The following KCNJ2 variants were observed in gnomAD, a reference collection of about 807,000 sequenced individuals.
The protein encoded by KCNJ2 is inward rectifier potassium channel 2.
KCNJ2 carries 12 observed loss-of-function variants against 28.4 expected under a neutral mutation model. The ratio of observed to expected loss-of-function variants is 0.42; its 90% CI spans 0.27 to 0.68. KCNJ2 has a LOEUF of 0.68. Ranked by LOEUF, KCNJ2 falls within the 30% of genes least tolerant of loss-of-function variation. The pLI is 0.23. For synonymous variants in KCNJ2, 200 were observed against 203.2 expected, an observed-to-expected ratio of 0.98 and a Z score of 0.13; for missense variants, 320 against 551.3, an observed-to-expected ratio of 0.58 and a Z score of 4.20.
At position 70,175,213 on chromosome 17, in the gene KCNJ2, C is replaced by T. The variant is rs587781006; in HGVS notation, c.174C>T (p.Phe58=). The T allele has an allele frequency of 2.4e-5, 39 of 1,614,208 alleles. No homozygotes were observed. The Admixed American group carries it at 6.5e-4, about 27-fold the overall frequency. ...VKKDGHCNVQ[F]INVGEKGQRY... ...AAGATGGCCACTGTAATGTTCAGTT[C>T]ATCAATGTGGGTGAGAAGGGGCAAC... The change falls in exon 2 of 2, where the codon TTC becomes TTT. Residue 58 remains phenylalanine (F), a synonymous_variant. Coordinates refer to ENST00000243457, the MANE Select transcript of KCNJ2 (RefSeq NM_000891.3). The surrounding 1 kb of genome is among the most constrained non-coding windows in gnomAD (Gnocchi z 8.3).
At position 70,175,962 on chromosome 17, in the gene KCNJ2, C is replaced by T. The variant is rs748053853; in HGVS notation, c.923C>T (p.Thr308Met). The part of the protein sequence containing the change: ...LEGMVEATAM[T>M]TQCRSSYLAN... ...GGCATGGTGGAAGCCACTGCCATGA[C>T]GACACAGTGCCGTAGCTCTTATCTA... The change falls in exon 2 of 2, where the codon ACG becomes ATG. Residue 308 changes from threonine (T) to methionine (M), a missense_variant. Thr to Met is a moderately conservative substitution (Grantham distance 81). Coordinates refer to ENST00000243457, the MANE Select transcript of KCNJ2 (RefSeq NM_000891.3). The surrounding 1 kb of genome is among the most constrained non-coding windows in gnomAD (Gnocchi z 8.3). 3 of 1,613,904 alleles carry T rather than the reference C, an allele frequency of 1.9e-6. No homozygotes were observed. Among genetic ancestry groups the T allele is most frequent in the Non-Finnish European group, 8.5e-7 (1 of 1,180,014 alleles).
intron 1 of KCNJ2, among the ~76,000 whole-genome samples, chr17:70,172,753 C>T (rs1458722333): frequency 2.0e-5 from 3 of 152,266 alleles, no homozygotes; most frequent in South Asian, 2.1e-4. Flanking sequence ...TGAAGTCAAT[C>T]AGAACTCAAA....
chr17:70,174,310 C>T (rs555017687), intron 1 of KCNJ2, among the ~76,000 whole-genome samples: 2 of 152,152 alleles, frequency 1.3e-5, no homozygotes, highest in East Asian at 1.9e-4. Flanking sequence ...GTCTGTCTTC[C>T]GATTTCAACC....
chr17:70,171,660 T>C (rs2074365736), intron 1 of KCNJ2, among the ~76,000 whole-genome samples: 1 of 152,202 alleles, frequency 6.6e-6, no homozygotes, highest in South Asian at 2.1e-4. Flanking sequence ...TCCTTTAACA[T>C]CTACCTAAGT....
Position 70,175,993 on chromosome 17 carries a change from T to C in KCNJ2, c.954T>C (p.Asn318=), listed in dbSNP as rs1348116162. Residue 318 remains asparagine, a synonymous_variant, in exon 2 of 2, where the codon AAT becomes AAC. Coordinates refer to ENST00000243457, the MANE Select transcript of KCNJ2 (RefSeq NM_000891.3). The surrounding 1 kb of genome is among the most constrained non-coding windows in gnomAD (Gnocchi z 8.3). Reference sequence around the variant, plus strand: ...AGTGCCGTAGCTCTTATCTAGCAAATGAAATCCTGTGGGGCCACCGCTATG... The same window carrying C: ...AGTGCCGTAGCTCTTATCTAGCAAACGAAATCCTGTGGGGCCACCGCTATG... ...TTQCRSSYLA[N]EILWGHRYEP... 3 of 1,613,938 alleles carry C rather than the reference T, an allele frequency of 1.9e-6. No homozygotes were observed. The highest frequency in any genetic ancestry group is 1.3e-5 in the African/African-American group (1 of 74,972).
At position 70,175,055 on chromosome 17, in the gene KCNJ2, A is replaced by G; in HGVS notation, c.16A>G (p.Thr6Ala). MGSVR[T>A]NRYSIVSSEE... ...AGCAGAAGCGATGGGCAGTGTGCGA[A>G]CCAACCGCTACAGCATCGTCTCTTC... The change falls in exon 2 of 2, where the codon ACC (threonine) becomes GCC (alanine). Residue 6 changes from threonine to alanine, a missense_variant. Thr to Ala is a moderately conservative substitution (Grantham distance 58). Coordinates refer to ENST00000243457, the MANE Select transcript of KCNJ2 (RefSeq NM_000891.3). This position sits in a 1 kb window ranked among gnomAD's most constrained non-coding sequence, Gnocchi z 8.3. The G allele has an allele frequency of 6.2e-7, 1 of 1,614,174 alleles. No individual in the cohort carries two copies. The highest frequency in any genetic ancestry group is 1.1e-5 in the South Asian group (1 of 91,082).
chr17:70,178,497 G>A lies in KCNJ2; in HGVS notation c.*2174G>A, dbSNP rs1293640015. On this transcript the variant is annotated 3_prime_UTR_variant, in exon 2 of 2. Transcript: ENST00000243457. ...TGAGGGCTTCAGCTGCTGCTATTAT[G>A]ATGTTTTGCAAAGGAAAATAATCAA... 6.0e-6 allele frequency: 1 copy of A among 166,980 alleles called. No individual in the cohort carries two copies. The highest frequency in any genetic ancestry group is 1.5e-5 in the Non-Finnish European group (1 of 68,110). The allele number at this position is 166,980 out of a possible 1,614,324, so 10.3% of individuals were successfully genotyped here.
At chr17:70,171,037 G>C (rs2074362667) in intron 1 of KCNJ2, among the ~76,000 whole-genome samples, 1 of 152,222 alleles carries the variant, frequency 6.6e-6, no homozygotes, top group Non-Finnish European at 1.5e-5. Flanking sequence ...TCTCTGGTTA[G>C]CTGTAGCGTC....
rs577618075 is a variant in KCNJ2 at position 70,174,951 on chromosome 17, C to A, written c.-89C>A. On this transcript the variant is annotated 5_prime_UTR_variant, in exon 2 of 2. Transcript: ENST00000243457. ...CATTTTTTTGGTGTGTGTGTCTTCACCGAACATTCAAAACTGTTTCTCCAA... is the reference window on the plus strand; with the variant it reads ...CATTTTTTTGGTGTGTGTGTCTTCAACGAACATTCAAAACTGTTTCTCCAA... 7.7e-7 allele frequency: 1 copy of A among 1,306,136 alleles called. No homozygotes were observed. Among genetic ancestry groups the A allele is most frequent in the Admixed American group, 1.9e-5 (1 of 52,046 alleles). 80.9% of individuals were successfully genotyped at this position (1,306,136 alleles called of 1,614,324 possible).
rs1257779655 is a variant in KCNJ2, at chr17:70,176,299, C to G, written c.1260C>G (p.Pro420=). The change falls in exon 2 of 2, where the codon CCC becomes CCG. Residue 420 remains proline (P), a synonymous_variant. Transcript: ENST00000243457. ...NQASVPLEPR[P]LRRESEI Reference sequence around the variant, plus strand: ...CAAGTGTACCTCTAGAGCCCAGGCCCTTACGGCGAGAGTCGGAGATATGAC... The same window carrying G: ...CAAGTGTACCTCTAGAGCCCAGGCCGTTACGGCGAGAGTCGGAGATATGAC... 1.9e-6 allele frequency: 3 copies of G among 1,614,160 alleles called. No individual in the cohort carries two copies. Among genetic ancestry groups the G allele is most frequent in the African/African-American group, 1.3e-5 (1 of 75,042 alleles).
chr17:70,176,119 C>G lies in KCNJ2; in HGVS notation c.1080C>G (p.Asp360Glu). Residue 360 changes from aspartate to glutamate, a missense_variant, in exon 2 of 2, where the codon GAC becomes GAG. Physicochemically the swap from Asp to Glu is conservative, Grantham distance 45. This residue lies in a region of KCNJ2 where 155 missense variants were observed against 231.6 expected (regional missense o/e 0.67). Coordinates refer to ENST00000243457, the MANE Select transcript of KCNJ2 (RefSeq NM_000891.3). The part of the protein sequence containing the change: ...VPNTPLCSAR[D>E]LAEKKYILSN... ...ACACTCCCCTTTGTAGTGCCAGAGA[C>G]TTAGCAGAAAAGAAATATATCCTCT... 1 of 1,613,996 alleles carries G rather than the reference C, an allele frequency of 6.2e-7. No homozygotes were observed. Among genetic ancestry groups the G allele is most frequent in the Non-Finnish European group, 8.5e-7 (1 of 1,179,998 alleles).
chr17:70,177,658 C>T lies in KCNJ2; in HGVS notation c.*1335C>T, dbSNP rs935099519. ...TCAGATAGGGCGGCAAATGCCAAAG[C>T]AGGGAAACAGGGAGGTGTGGACAAG... On this transcript the variant is annotated 3_prime_UTR_variant, in exon 2 of 2. Transcript: ENST00000243457. 6.0e-6 allele frequency: 1 copy of T among 167,150 alleles called. No homozygotes were observed. Among genetic ancestry groups the T allele is most frequent in the Non-Finnish European group, 1.5e-5 (1 of 68,194 alleles). 10.4% of individuals were successfully genotyped at this position (167,150 alleles called of 1,614,324 possible).
chr17:70,171,257 C>T (rs1258882769), intron 1 of KCNJ2, among the ~76,000 whole-genome samples: 2 of 152,056 alleles, frequency 1.3e-5, no homozygotes, highest in Admixed American at 1.3e-4. Context: ...TCCCCCTCCC[C>T]TCCCCACTTC....
intron 1 of KCNJ2, among the ~76,000 whole-genome samples, chr17:70,170,454 G>A (rs2074359392): frequency 6.6e-6 from 1 of 151,626 alleles, no homozygotes; most frequent in Non-Finnish European, 1.5e-5. Flanking sequence ...ATGACAATTG[G>A]AAAAAAAATA....
intron 1 of KCNJ2, among the ~76,000 whole-genome samples, chr17:70,170,469 T>C (rs1304155801): frequency 2.0e-5 from 3 of 152,068 alleles, no homozygotes; most frequent in Admixed American, 2.0e-4. Context: ...AAAATAGGGA[T>C]AGGGAATGGG....
In KCNJ2 at chr17:70,179,507, T is replaced by C. The variant is rs1036695738; in HGVS notation, c.*3184T>C. 1 of 166,520 alleles carries C rather than the reference T, an allele frequency of 6.0e-6. No homozygotes were observed. The highest frequency in any genetic ancestry group is 1.5e-5 in the Non-Finnish European group (1 of 68,110). 10.3% of individuals were successfully genotyped at this position (166,520 alleles called of 1,614,324 possible). A position where few individuals can be genotyped will look rare whatever the true frequency, so the allele number is the denominator to read the frequency against. ...CATTTTAAGGATGTCACTATGGCAC[T>C]GTTGTCATTTCCAAATTCCTAGAAA... On this transcript the variant is annotated 3_prime_UTR_variant, in exon 2 of 2. Transcript: ENST00000243457.
intron 1 of KCNJ2, 147 bp from the exon 2 acceptor site, chr17:70,174,677 T>G: frequency 3.5e-6 from 1 of 289,312 alleles, no homozygotes; most frequent in South Asian, 3.7e-5. Context: ...ATGCTTAGGA[T>G]ACAAAGAAAT....
Position 70,175,418 on chromosome 17 carries a change from A to G in KCNJ2, c.379A>G (p.Asn127Asp). 6.2e-7 allele frequency: 1 copy of G among 1,614,174 alleles called. No homozygotes were observed. The highest frequency in any genetic ancestry group is 1.1e-5 in the South Asian group (1 of 91,084). Reference protein sequence around the residue: ...KEGKACVSEVNSFTAAFLFSI... With the variant: ...KEGKACVSEVDSFTAAFLFSI... Reference sequence around the variant, plus strand: ...GGGCAAAGCTTGTGTGTCCGAGGTCAACAGCTTCACGGCTGCCTTCCTCTT... The same window carrying G: ...GGGCAAAGCTTGTGTGTCCGAGGTCGACAGCTTCACGGCTGCCTTCCTCTT... Residue 127 changes from asparagine to aspartate, a missense_variant, in exon 2 of 2, where the codon AAC becomes GAC. Physicochemically the swap from Asn to Asp is conservative, Grantham distance 23 (BLOSUM62 1). This residue lies in a region of KCNJ2 where 111 missense variants were observed against 256.7 expected (regional missense o/e 0.43). Transcript: ENST00000243457. This position sits in a 1 kb window ranked among gnomAD's most constrained non-coding sequence, Gnocchi z 8.3.
At chr17:70,171,926 T>G (rs926369817) in intron 1 of KCNJ2, among the ~76,000 whole-genome samples, 4 of 152,206 alleles carry the variant, frequency 2.6e-5, no homozygotes, top group Admixed American at 6.5e-5. Context: ...TTTGTATCAC[T>G]TAGTGTTCTC....
Sources: gnomAD v4.1 joint callset for allele counts (sites outside exome capture counted in the v4.1 genomes callset) on GRCh38, gnomAD v4.1.1 for gene constraint, gnomAD v4.1.1 regional missense constraint, Gnocchi (gnomAD v3.1) non-coding constraint, MANE v1.5 for transcripts, NCBI Gene and HGNC (gene_info 2026-07-23, HGNC 2026-07-21) for gene names.